Variants in METTL21A observed in about 807,000 individuals in gnomAD.
METTL21A encodes the protein methyltransferase 21A, HSPA lysine, also known as protein N-lysine methyltransferase METTL21A.
A neutral mutation model predicts 20.9 loss-of-function variants in METTL21A; 22 were observed. The ratio of observed to expected loss-of-function variants is 1.05; its 90% CI spans 0.75 to 1.50. The LOEUF (loss-of-function observed/expected upper bound fraction) is 1.50, where lower values mean the gene tolerates loss of function less well. METTL21A is among the 40% of genes most tolerant of loss of function. The pLI, the probability that METTL21A is intolerant of heterozygous loss-of-function variation, is 0.00. For missense variants in METTL21A, 271 were observed against 266.8 expected, an observed-to-expected ratio of 1.02 and a Z score of -0.11; for synonymous variants, 93 against 102.0, an observed-to-expected ratio of 0.91 and a Z score of 0.53.
chr2:207,601,940 C>G (rs964886563), intron 3 of METTL21A: 2 of 210,860 alleles, frequency 9.5e-6, no homozygotes, highest in African/African-American at 4.5e-5. Context: ...ACTGTATGTA[C>G]TAGGAACTGG....
At chr2:207,590,083 G>GTTTTTTTTTTTTTTTTTTTTT (rs59126515) in intron 3 of METTL21A, among the ~76,000 whole-genome samples, 1 of 76,154 alleles carries the variant, frequency 1.3e-5, no homozygotes, top group African/African-American at 4.8e-5. Context: ...ATTTTGAGAA[G>GTTTTTTTTTTTTTTTTTTTTT]TTTTTTTTTT....
At chr2:207,607,110 C>T (rs1002794429), downstream of METTL21A, among the ~76,000 whole-genome samples, 2 of 151,946 alleles carry the variant, frequency 1.3e-5, no homozygotes, top group East Asian at 3.9e-4. Flanking sequence ...AATATAAGGT[C>T]GGGCCTGGTG....
upstream of METTL21A, chr2:207,625,686 A>C (rs1180684752): frequency 6.6e-6 from 1 of 152,240 alleles, no homozygotes; most frequent in Admixed American, 6.5e-5. Context: ...CCTGGCGCTG[A>C]ATGTGCCTCT....
exon 4 of METTL21A, chr2:207,613,059 T>C (rs901043026): frequency 1.9e-6 from 3 of 1,560,062 alleles, no homozygotes; most frequent in African/African-American, 1.4e-5. Context: ...TAAGTCCTCC[T>C]TCTGGTTTCT....
Position 207,621,920 on chromosome 2 carries a change from G to C in METTL21A, c.148-3C>G, listed in dbSNP as rs776467195. On this transcript the variant is annotated splice_polypyrimidine_tract_variant and splice_region_variant and intron_variant, in intron 2 of 3. Transcript: ENST00000406927. ...AGGTATGTGGAAAGAACGATGGCCT[G>C]AATGAAAACACAGTGTGATGACGAT... The C allele has an allele frequency of 2.5e-6, 4 of 1,612,514 alleles. No homozygotes were observed. In the South Asian group the frequency reaches 3.3e-5, roughly 13 times the overall value.
intron 3 of METTL21A, among the ~76,000 whole-genome samples, chr2:207,621,535 A>G (rs2090475087): frequency 6.6e-6 from 1 of 152,192 alleles, no homozygotes; most frequent in African/African-American, 2.4e-5. Flanking sequence ...GCATCACAGA[A>G]TTGAAGGGGG....
chr2:207,603,664 G>T (rs2087525081), intron 3 of METTL21A, among the ~76,000 whole-genome samples: 1 of 152,166 alleles, frequency 6.6e-6, no homozygotes, highest in Non-Finnish European at 1.5e-5. Flanking sequence ...ATTTGGAGAT[G>T]TTACTGTCAA....
At chr2:207,599,437 C>CTTTCT (rs1263273605) in intron 3 of METTL21A, 6 of 198,966 alleles carry the variant, frequency 3.0e-5, no homozygotes, top group South Asian at 1.9e-4. Flanking sequence ...AAAGTTCAGG[C>CTTTCT]TTTCTACTTA....
At chr2:207,591,262 T>G (rs2084975205) in intron 3 of METTL21A, among the ~76,000 whole-genome samples, 1 of 152,352 alleles carries the variant, frequency 6.6e-6, no homozygotes. Flanking sequence ...TTCAGTTCTA[T>G]TAGCTTTTGC....
intron 3 of METTL21A, chr2:207,602,651 T>A (rs952436377): frequency 9.5e-6 from 2 of 211,302 alleles, no homozygotes; most frequent in Admixed American, 5.9e-5. Context: ...TCATTGTGTT[T>A]GGGAGGTTTT....
At chr2:207,588,888 T>TG (rs2084418429) in intron 3 of METTL21A, among the ~76,000 whole-genome samples, 1 of 131,766 alleles carries the variant, frequency 7.6e-6, no homozygotes, top group Non-Finnish European at 1.7e-5. Flanking sequence ...AGGAGCTTTG[T>TG]CGGGGGGGGT....
intron 3 of METTL21A, among the ~76,000 whole-genome samples, chr2:207,590,336 C>G (rs1359379089): frequency 6.6e-5 from 10 of 151,798 alleles, no homozygotes; most frequent in Non-Finnish European, 1.2e-4. Context: ...TTCGCCACCC[C>G]TACCCCAGCC....
intron 3 of METTL21A, among the ~76,000 whole-genome samples, chr2:207,589,916 C>T (rs997192707): frequency 2.6e-5 from 4 of 151,892 alleles, no homozygotes; most frequent in South Asian, 2.1e-4. Context: ...GTTTCTTTGC[C>T]GTGAGTTTGT....
chr2:207,621,917 C>T, exon 3 of METTL21A: 1 of 1,613,116 alleles, frequency 6.2e-7, no homozygotes, highest in East Asian at 2.2e-5. Context: ...AGAACGATGG[C>T]CTGAATGAAA....
intron 3 of METTL21A, among the ~76,000 whole-genome samples, chr2:207,614,983 A>G (rs1422663197): frequency 1.3e-5 from 2 of 152,202 alleles, no homozygotes; most frequent in African/African-American, 2.4e-5. Context: ...GCTGATACTC[A>G]GTGTTTCTTA....
At chr2:207,584,439 T>A (rs1018528086) in intron 3 of METTL21A, among the ~76,000 whole-genome samples, 4 of 152,156 alleles carry the variant, frequency 2.6e-5, no homozygotes, top group African/African-American at 9.7e-5. Flanking sequence ...CCCTCTGTCA[T>A]GTCACCCAGG....
intron 3 of METTL21A, among the ~76,000 whole-genome samples, chr2:207,585,994 A>C (rs2083754742): frequency 6.6e-6 from 1 of 152,180 alleles, no homozygotes; most frequent in South Asian, 2.1e-4. Context: ...TGAGAGAGAG[A>C]TATATATCCA....
At chr2:207,595,417 A>G (rs1486699554) in intron 3 of METTL21A, among the ~76,000 whole-genome samples, 2 of 151,522 alleles carry the variant, frequency 1.3e-5, no homozygotes, top group Non-Finnish European at 2.9e-5. Flanking sequence ...TATATATTCT[A>G]GATTTTTTTT....
At chr2:207,596,763 A>G (rs2086255637) in intron 3 of METTL21A, 1 of 945,924 alleles carries the variant, frequency 1.1e-6, no homozygotes, top group Non-Finnish European at 1.5e-6. Context: ...GGTAATTTCC[A>G]AGTAATTCTG....
Sources: allele counts gnomAD v4.1 joint callset (sites outside exome capture counted in the v4.1 genomes callset), GRCh38; gene constraint gnomAD v4.1.1; transcripts MANE v1.5; gene names NCBI Gene and HGNC (gene_info 2026-07-23, HGNC 2026-07-21).